Variants in MAN1A1 observed in about 807,000 individuals in gnomAD.
MAN1A1 encodes the protein mannosyl-oligosaccharide 1,2-alpha-mannosidase IA.
In MAN1A1, 29 loss-of-function variants were observed where a neutral mutation model predicts 70.8. The ratio of observed to expected loss-of-function variants is 0.41; its 90% confidence interval spans 0.31 to 0.56. The LOEUF (loss-of-function observed/expected upper bound fraction) is 0.56. MAN1A1 is among the 20% of genes least tolerant of loss of function. MAN1A1 has a pLI of 0.29. For missense variants in MAN1A1, 747 were observed against 841.3 expected, an observed-to-expected ratio of 0.89 and a Z score of 1.39; for synonymous variants, 349 against 330.1, an observed-to-expected ratio of 1.06 and a Z score of -0.62.
At chr6:119,340,960 C>T (rs570164231) in intron 2 of MAN1A1, among the ~76,000 whole-genome samples, 27 of 152,150 alleles carry the variant, frequency 1.8e-4, no homozygotes, top group South Asian at 1.5e-3. Context: ...GAAACACGAG[C>T]GAGAAGGAGT....
At chr6:119,184,107 T>C (rs1426356656) in intron 11 of MAN1A1, among the ~76,000 whole-genome samples, 1 of 151,964 alleles carries the variant, frequency 6.6e-6, no homozygotes, top group African/African-American at 2.4e-5. Context: ...TGGGGACAAA[T>C]AGCTTTCCTG....
chr6:119,272,285 A>G lies in MAN1A1; in HGVS notation c.897+18398T>C, dbSNP rs756294688. On this transcript the variant is annotated intron_variant, in intron 5 of 12. Transcript: ENST00000368468. ...CTGGTAGACTGTGTCCTTCCGTTTT[A>G]ATAGTCACCTCTTTTATCTCTCAGA... Among the ~76,000 whole-genome samples the G allele has an allele frequency of 3.9e-4, 60 of 152,232 alleles. 1 individual carries two copies. Among genetic ancestry groups the G allele is most frequent in the Admixed American group, 7.2e-4 (11 of 15,304 alleles).
At chr6:119,199,686 C>G (rs1198331544) in intron 8 of MAN1A1, among the ~76,000 whole-genome samples, 1 of 151,330 alleles carries the variant, frequency 6.6e-6, no homozygotes. Flanking sequence ...GCAAAGGGAT[C>G]GCTCAAGCCT....
At chr6:119,254,339 T>C (rs1775405594) in intron 5 of MAN1A1, among the ~76,000 whole-genome samples, 1 of 152,296 alleles carries the variant, frequency 6.6e-6, no homozygotes, top group Middle Eastern at 3.4e-3. Context: ...GTCAGTTAAC[T>C]CTTCTGGTTC....
chr6:119,320,359 A>G (rs1394488922), intron 2 of MAN1A1, among the ~76,000 whole-genome samples: 1 of 152,188 alleles, frequency 6.6e-6, no homozygotes, highest in Non-Finnish European at 1.5e-5. Context: ...GGCATTTAGC[A>G]TTTAAGTAGT....
chr6:119,197,367 T>A (rs1773598944), intron 8 of MAN1A1, among the ~76,000 whole-genome samples: 1 of 151,768 alleles, frequency 6.6e-6, no homozygotes, highest in Non-Finnish European at 1.5e-5. Flanking sequence ...ACATATGTAT[T>A]CACAAAATTC....
chr6:119,242,489 A>G (rs1775039511), intron 6 of MAN1A1, among the ~76,000 whole-genome samples: 2 of 152,156 alleles, frequency 1.3e-5, no homozygotes, highest in Non-Finnish European at 2.9e-5. Flanking sequence ...ACAGGTCAGG[A>G]GCACTGATAG....
chr6:119,190,432 G>A (rs1773413452), intron 9 of MAN1A1, among the ~76,000 whole-genome samples: 1 of 152,112 alleles, frequency 6.6e-6, no homozygotes, highest in Non-Finnish European at 1.5e-5. Context: ...CTAATTTGTG[G>A]GAGTGAACAA....
Position 119,349,579 on chromosome 6 carries a change from G to T in MAN1A1, c.-260C>A. The T allele has an allele frequency of 3.0e-6, 3 of 986,050 alleles. No homozygotes were observed. The highest frequency in any genetic ancestry group is 3.6e-6 in the Non-Finnish European group (3 of 830,130). 61.1% of individuals were successfully genotyped at this position (986,050 alleles called of 1,614,324 possible). On this transcript the variant is annotated 5_prime_UTR_variant, in exon 1 of 13. Transcript: ENST00000368468. The stretch of plus-strand genomic sequence containing the variant: ...GGGGCGCAGCGTGGGCGGGAGACTC[G>T]TCAACTTCGCCCGCTCCCCATCTCC...
chr6:119,244,791 AAC>A (rs1775126112), intron 6 of MAN1A1, among the ~76,000 whole-genome samples: 1 of 152,136 alleles, frequency 6.6e-6, no homozygotes, highest in Non-Finnish European at 1.5e-5. Context: ...GTGAGTGTGT[AAC>A]ACACAAAAAT....
chr6:119,304,588 AT>A (rs527762716), intron 3 of MAN1A1, among the ~76,000 whole-genome samples: 5 of 151,982 alleles, frequency 3.3e-5, no homozygotes, highest in African/African-American at 1.2e-4. Flanking sequence ...AATACTTAAG[AT>A]TTTTTTTATA....
intron 2 of MAN1A1, among the ~76,000 whole-genome samples, chr6:119,325,728 A>G (rs1773129076): frequency 6.6e-6 from 1 of 152,304 alleles, no homozygotes; most frequent in East Asian, 1.9e-4. Flanking sequence ...AGCCCAGAAT[A>G]CGAACAATAA....
chr6:119,292,905 T>C (rs905705297), intron 4 of MAN1A1, among the ~76,000 whole-genome samples: 1 of 152,110 alleles, frequency 6.6e-6, no homozygotes, highest in African/African-American at 2.4e-5. Context: ...AAAGCGAAGC[T>C]AACCCATGTA....
rs975937719 is a variant in MAN1A1 at position 119,189,670 on chromosome 6, G to T, written c.1540C>A (p.Arg514=). 1 of 1,613,772 alleles carries T rather than the reference G, an allele frequency of 6.2e-7. No homozygotes were observed. The highest frequency in any genetic ancestry group is 1.1e-5 in the South Asian group (1 of 91,038). Reference sequence around the variant, plus strand: ...AAGAATAACATGTACTCACATGTTCGATTATATGATTCATGACAAGTACGG... The same window carrying T: ...AAGAATAACATGTACTCACATGTTCTATTATATGATTCATGACAAGTACGG... The part of the protein sequence containing the change: ...IARTCHESYN[R]TFMKLGPEAF... The change falls in exon 10 of 13, where the codon CGA becomes AGA. Residue 514 remains arginine, a synonymous_variant. Coordinates refer to ENST00000368468, the MANE Select transcript of MAN1A1 (RefSeq NM_005907.4).
chr6:119,344,582 G>A (rs1201594030), intron 2 of MAN1A1, among the ~76,000 whole-genome samples: 1 of 152,156 alleles, frequency 6.6e-6, no homozygotes, highest in African/African-American at 2.4e-5. Context: ...CTTGGGTCAG[G>A]TCTCCAAATC....
chr6:119,246,718 T>C (rs1026528592), intron 6 of MAN1A1, among the ~76,000 whole-genome samples: 20 of 152,192 alleles, frequency 1.3e-4, no homozygotes, highest in Admixed American at 1.0e-3. Context: ...ATACTACCTA[T>C]AAATACAAAT....
At chr6:119,234,496 C>T (rs911152278) in intron 6 of MAN1A1, among the ~76,000 whole-genome samples, 4 of 152,084 alleles carry the variant, frequency 2.6e-5, no homozygotes, top group Admixed American at 2.6e-4. Flanking sequence ...TCACTGCAGC[C>T]TTGATCTCCT....
intron 5 of MAN1A1, among the ~76,000 whole-genome samples, chr6:119,253,604 G>T (rs1047984375): frequency 5.3e-5 from 8 of 152,164 alleles, no homozygotes; most frequent in African/African-American, 1.9e-4. Flanking sequence ...CCAAAGCACA[G>T]ATTTGTACAC....
At chr6:119,281,726 T>C (rs1776229086) in intron 5 of MAN1A1, among the ~76,000 whole-genome samples, 1 of 151,964 alleles carries the variant, frequency 6.6e-6, no homozygotes, top group African/African-American at 2.4e-5. Flanking sequence ...TAGGGAACTA[T>C]GCTAAACTAA....
Sources: allele counts gnomAD v4.1 joint callset (sites outside exome capture counted in the v4.1 genomes callset), GRCh38; gene constraint gnomAD v4.1.1; transcripts MANE v1.5; gene names NCBI Gene and HGNC (gene_info 2026-07-23, HGNC 2026-07-21).